The following PCDH15 variants were observed in gnomAD, a reference collection of about 807,000 sequenced individuals.
PCDH15 encodes the protein protocadherin-15.
In PCDH15, 129 loss-of-function variants were observed where a neutral mutation model predicts 178.5. That is an observed-to-expected ratio of 0.72 (90% CI 0.63 to 0.84). The LOEUF is 0.84. Among genes scored for constraint, PCDH15 ranks in the 40% least tolerant of loss-of-function variants. PCDH15 has a pLI of 0.00. For synonymous variants in PCDH15, 800 were observed against 732.0 expected, an observed-to-expected ratio of 1.09 and a Z score of -1.50; for missense variants, 2,230 against 2,099.9, an observed-to-expected ratio of 1.06 and a Z score of -1.21.
At chr10:55,347,629 G>T (rs1232015162) in intron 2 of PCDH15, among the ~76,000 whole-genome samples, 1 of 152,126 alleles carries the variant, frequency 6.6e-6, no homozygotes, top group Non-Finnish European at 1.5e-5. Context: ...CATTGAGAAT[G>T]CTCCCAGGGT....
intron 2 of PCDH15, among the ~76,000 whole-genome samples, chr10:55,573,808 A>G (rs2132112533): frequency 6.6e-6 from 1 of 152,108 alleles, no homozygotes; most frequent in South Asian, 2.1e-4. Flanking sequence ...GTGTAAAACA[A>G]TGTATGGTCT....
intron 6 of PCDH15, among the ~76,000 whole-genome samples, chr10:54,333,887 C>T (rs1940431346): frequency 6.6e-6 from 1 of 152,130 alleles, no homozygotes; most frequent in Non-Finnish European, 1.5e-5. Flanking sequence ...TTATTTTTCT[C>T]TTCTTTCATT....
intron 2 of PCDH15, among the ~76,000 whole-genome samples, chr10:55,404,939 G>C (rs964372878): frequency 2.0e-4 from 30 of 151,784 alleles, no homozygotes; most frequent in Admixed American, 1.6e-3. Context: ...GGTCATTTAT[G>C]AACTACAAGT....
At position 55,606,302 on chromosome 10, in the gene PCDH15, G is replaced by A. The variant is rs1319760252; in HGVS notation, c.-156+21323C>T. Among the ~76,000 whole-genome samples the A allele has an allele frequency of 2.6e-3, 282 of 108,590 alleles. 1 individual carries two copies. Among genetic ancestry groups the A allele is most frequent in the Middle Eastern group, 9.4e-3 (2 of 212 alleles). The allele number at this position is 108,590 out of a possible 152,430, so 71.2% of individuals were successfully genotyped here. A position where few individuals can be genotyped will look rare whatever the true frequency, so the allele number is the denominator to read the frequency against. ...CTCATGGGTAGGAAGAATCAATATC[G>A]TGAAAATGGCCATACTGCCCAAGGT... is the stretch of plus-strand genomic sequence containing the variant. On this transcript the variant is annotated intron_variant, in intron 2 of 5. Coordinates refer to the PCDH15 transcript ENST00000613346.
chr10:55,318,251 A>C (rs767649461), intron 1 of PCDH15, among the ~76,000 whole-genome samples: 4 of 152,124 alleles, frequency 2.6e-5, no homozygotes, highest in Admixed American at 2.0e-4. Context: ...AGAGTACATG[A>C]GTATGTGTTG....
At chr10:54,170,739 T>C (rs1390615834) in intron 13 of PCDH15, among the ~76,000 whole-genome samples, 2 of 152,128 alleles carry the variant, frequency 1.3e-5, no homozygotes, top group African/African-American at 2.4e-5. Flanking sequence ...GCTTGATTTA[T>C]TGATGGCGGT....
chr10:54,937,331 C>T (rs1366277282), intron 2 of PCDH15, among the ~76,000 whole-genome samples: 4 of 151,800 alleles, frequency 2.6e-5, no homozygotes, highest in Admixed American at 2.0e-4. Flanking sequence ...ATCTGGCTTG[C>T]GAATTTCTGC....
chr10:54,435,222 G>A (rs987552924), intron 3 of PCDH15, among the ~76,000 whole-genome samples: 5 of 152,074 alleles, frequency 3.3e-5, no homozygotes, highest in African/African-American at 9.7e-5. Flanking sequence ...AGACACACCA[G>A]CCTTTTAAGA....
chr10:55,453,774 T>C (rs1337431052), intron 2 of PCDH15, among the ~76,000 whole-genome samples: 7 of 152,198 alleles, frequency 4.6e-5, no homozygotes, highest in Admixed American at 1.3e-4. Context: ...CCTACCTCTA[T>C]ACCTTAGGTA....
rs139871410 is a variant in PCDH15 at position 54,525,501 on chromosome 10, C to T, written c.157+2311G>A. On this transcript the variant is annotated intron_variant, in intron 3 of 37. Coordinates refer to ENST00000644397, the MANE Select transcript of PCDH15 (RefSeq NM_001384140.1). The stretch of plus-strand genomic sequence containing the variant: ...GGATCTCACTCTGCCACCCATGCTT[C>T]AGTGCAGTGGAATGATCTCAGCTTA... Among the ~76,000 whole-genome samples the T allele has an allele frequency of 1.8e-4, 28 of 152,260 alleles. No homozygotes were observed. In the East Asian group the frequency reaches 3.7e-3, roughly 20 times the overall value.
At chr10:54,310,172 A>G (rs960648116) in intron 8 of PCDH15, among the ~76,000 whole-genome samples, 8 of 152,120 alleles carry the variant, frequency 5.3e-5, no homozygotes, top group South Asian at 4.1e-4. Flanking sequence ...GTGGTCAGAT[A>G]TAAGTTACTT....
At chr10:54,756,089 A>ACACACACACACACACTCACACACACT (rs143374986) in intron 1 of PCDH15, among the ~76,000 whole-genome samples, 1 of 148,228 alleles carries the variant, frequency 6.7e-6, no homozygotes, top group Admixed American at 6.8e-5. Flanking sequence ...ACACACACAC[A>ACACACACACACACACTCACACACACT]CACACACAAA....
intron 2 of PCDH15, among the ~76,000 whole-genome samples, chr10:55,004,005 G>C (rs1007432145): frequency 3.9e-5 from 6 of 152,168 alleles, no homozygotes; most frequent in Non-Finnish European, 8.8e-5. Context: ...CCTGTGAGAG[G>C]TTCCAATGAA....
At chr10:54,428,396 T>C (rs1294714362) in intron 3 of PCDH15, among the ~76,000 whole-genome samples, 1 of 152,226 alleles carries the variant, frequency 6.6e-6, no homozygotes, top group Non-Finnish European at 1.5e-5. Context: ...TTGTTTAGTA[T>C]GAGTATGTCC....
At chr10:55,338,145 A>T (rs1306030430) in intron 2 of PCDH15, among the ~76,000 whole-genome samples, 1 of 152,140 alleles carries the variant, frequency 6.6e-6, no homozygotes, top group Non-Finnish European at 1.5e-5. Context: ...TCCCAACAAG[A>T]GGCAATAACT....
At chr10:54,442,985 T>A (rs2075922425) in intron 3 of PCDH15, among the ~76,000 whole-genome samples, 1 of 151,662 alleles carries the variant, frequency 6.6e-6, no homozygotes, top group African/African-American at 2.4e-5. Context: ...TTTTCTAGGA[T>A]CTCAGCACAA....
At chr10:54,776,748 A>G (rs1307694211) in intron 1 of PCDH15, among the ~76,000 whole-genome samples, 1 of 152,158 alleles carries the variant, frequency 6.6e-6, no homozygotes, top group South Asian at 2.1e-4. Context: ...GTCATGTTTT[A>G]TGCTCGGTTT....
Position 55,622,085 on chromosome 10 carries a change from T to TTG in PCDH15, c.-156+5539_-156+5540insCA, listed in dbSNP as rs1249147382. 2.2e-3 allele frequency among the ~76,000 whole-genome samples: 189 copies of TTG among 86,820 alleles called. 1 individual carries two copies. Among genetic ancestry groups the TTG allele is most frequent in the Middle Eastern group, 6.3e-3 (1 of 158 alleles). The allele number at this position is 86,820 out of a possible 152,430, so 57.0% of individuals were successfully genotyped here. A position where few individuals can be genotyped will look rare whatever the true frequency, so the allele number is the denominator to read the frequency against. On this transcript the variant is annotated intron_variant, in intron 2 of 5. Coordinates refer to the PCDH15 transcript ENST00000613346. ...ATAATGTATATATAATATATATAAA[T>TTG]TATATATAATGTATATATATTATAT...
chr10:54,252,236 T>A (rs1591429599), intron 8 of PCDH15, among the ~76,000 whole-genome samples: 1 of 152,170 alleles, frequency 6.6e-6, no homozygotes, highest in African/African-American at 2.4e-5. Context: ...TTGTCATCCC[T>A]TTTTGCTGTC....
Sources: allele counts gnomAD v4.1 joint callset (sites outside exome capture counted in the v4.1 genomes callset), GRCh38; gene constraint gnomAD v4.1.1; transcripts MANE v1.5; gene names NCBI Gene and HGNC (gene_info 2026-07-23, HGNC 2026-07-21).